PCDH15: variants seen among roughly 807,000 people sequenced by gnomAD.
PCDH15 encodes protocadherin related 15.
In PCDH15, 129 loss-of-function variants were observed where a neutral mutation model predicts 178.5. That is an observed-to-expected ratio of 0.72 (90% CI 0.63 to 0.84). PCDH15 has a LOEUF of 0.84. PCDH15 is among the 40% of genes least tolerant of loss of function. The pLI, the probability that PCDH15 is intolerant of heterozygous loss-of-function variation, is 0.00. For synonymous variants in PCDH15, 800 were observed against 732.0 expected, an observed-to-expected ratio of 1.09 and a Z score of -1.50; for missense variants, 2,230 against 2,099.9, an observed-to-expected ratio of 1.06 and a Z score of -1.21.
At chr10:53,874,241 T>G (rs1475638285) in intron 26 of PCDH15, among the ~76,000 whole-genome samples, 2 of 152,124 alleles carry the variant, frequency 1.3e-5, no homozygotes, top group Admixed American at 6.6e-5. Flanking sequence ...GTGAGTCTAT[T>G]AAGATTTCCC....
At chr10:54,476,004 C>A (rs567432094) in intron 3 of PCDH15, among the ~76,000 whole-genome samples, 1 of 138,194 alleles carries the variant, frequency 7.2e-6, no homozygotes, top group Non-Finnish European at 1.6e-5. Flanking sequence ...TACATATATG[C>A]ATATATATAT....
At chr10:53,845,547 A>T (rs1027681684) in intron 28 of PCDH15, among the ~76,000 whole-genome samples, 35 of 152,062 alleles carry the variant, frequency 2.3e-4, no homozygotes, top group Non-Finnish European at 4.3e-4. Flanking sequence ...ATTTAGCCAT[A>T]AAAAGAACAA....
intron 23 of PCDH15, among the ~76,000 whole-genome samples, chr10:53,948,830 C>T (rs532591633): frequency 6.6e-6 from 1 of 152,272 alleles, no homozygotes; most frequent in Non-Finnish European, 1.5e-5. Flanking sequence ...ACTCTCCCTA[C>T]TTCTCCAGAC....
chr10:54,820,265 TC>T (rs1953016721), intron 3 of PCDH15, among the ~76,000 whole-genome samples: 1 of 152,020 alleles, frequency 6.6e-6, no homozygotes, highest in Non-Finnish European at 1.5e-5. Flanking sequence ...AGATACTTCT[TC>T]CAGTCGCTAT....
intron 3 of PCDH15, among the ~76,000 whole-genome samples, chr10:54,453,481 A>C (rs2076612251): frequency 6.6e-6 from 1 of 152,030 alleles, no homozygotes; most frequent in South Asian, 2.1e-4. Context: ...AGGAAGGGGA[A>C]CATCACACAC....
At chr10:55,618,307 T>A (rs1843518818) in intron 2 of PCDH15, among the ~76,000 whole-genome samples, 1 of 152,090 alleles carries the variant, frequency 6.6e-6, no homozygotes, top group Non-Finnish European at 1.5e-5. Context: ...TTCATAGCAT[T>A]TAACACAAGT....
At chr10:55,126,906 CAAA>C (rs67392937) in intron 2 of PCDH15, among the ~76,000 whole-genome samples, 350 of 150,574 alleles carry the variant, frequency 2.3e-3, no homozygotes, top group Middle Eastern at 3.4e-3. Context: ...TCTGGATTTG[CAAA>C]AAAAAAAAAT....
At chr10:55,036,974 ATTTT>A (rs1210512565) in intron 2 of PCDH15, among the ~76,000 whole-genome samples, 1 of 152,116 alleles carries the variant, frequency 6.6e-6, no homozygotes, top group African/African-American at 2.4e-5. Flanking sequence ...ACCTAACATA[ATTTT>A]TTGTCTTTCA....
At chr10:54,483,765 G>C (rs569415806) in intron 3 of PCDH15, among the ~76,000 whole-genome samples, 2 of 151,674 alleles carry the variant, frequency 1.3e-5, no homozygotes, top group Non-Finnish European at 2.9e-5. Context: ...ATGTAGAGAA[G>C]AGTATATTCA....
intron 9 of PCDH15, among the ~76,000 whole-genome samples, chr10:54,220,154 G>A (rs2052619182): frequency 6.6e-6 from 1 of 152,208 alleles, no homozygotes; most frequent in Non-Finnish European, 1.5e-5. Flanking sequence ...GAAGATAATT[G>A]AATAATAGCC....
chr10:54,303,172 T>C (rs1464570986), intron 8 of PCDH15, among the ~76,000 whole-genome samples: 1 of 152,086 alleles, frequency 6.6e-6, no homozygotes, highest in Non-Finnish European at 1.5e-5. Flanking sequence ...GATGGGGCAA[T>C]AGATTACAAG....
chr10:54,550,627 G>A (rs1278192375), intron 2 of PCDH15, among the ~76,000 whole-genome samples: 1 of 152,084 alleles, frequency 6.6e-6, no homozygotes, highest in Non-Finnish European at 1.5e-5. Flanking sequence ...GCAATGCAAA[G>A]ACAAATTGCT....
chr10:54,268,651 C>T (rs1564828435), intron 8 of PCDH15, among the ~76,000 whole-genome samples: 3 of 151,800 alleles, frequency 2.0e-5, no homozygotes, highest in African/African-American at 7.3e-5. Context: ...TAAGCAGATG[C>T]TGGGACACAA....
intron 26 of PCDH15, among the ~76,000 whole-genome samples, chr10:53,878,627 AC>A (rs2080463077): frequency 1.3e-5 from 2 of 151,154 alleles, no homozygotes; most frequent in South Asian, 4.2e-4. Flanking sequence ...TGCTGCTTCT[AC>A]TTACATATTT....
intron 3 of PCDH15, among the ~76,000 whole-genome samples, chr10:54,398,435 C>G (rs1951515240): frequency 6.6e-6 from 1 of 151,970 alleles, no homozygotes; most frequent in African/African-American, 2.4e-5. Context: ...ATTTCCATCT[C>G]TAGCAATTTT....
intron 3 of PCDH15, among the ~76,000 whole-genome samples, chr10:54,475,670 T>A (rs1262495685): frequency 1.3e-5 from 2 of 151,860 alleles, no homozygotes; most frequent in Non-Finnish European, 2.9e-5. Flanking sequence ...AAAATCAGTG[T>A]CATTTATTAT....
chr10:53,936,541 C>A (rs959586229), intron 25 of PCDH15, among the ~76,000 whole-genome samples: 1 of 151,888 alleles, frequency 6.6e-6, no homozygotes. Flanking sequence ...GGAGGTTCAC[C>A]GTAATATTCT....
At chr10:54,542,788 C>G (rs1473412321) in intron 2 of PCDH15, among the ~76,000 whole-genome samples, 1 of 151,764 alleles carries the variant, frequency 6.6e-6, no homozygotes, top group African/African-American at 2.4e-5. Context: ...AGGGCGTGGT[C>G]CCTGGCTAGG....
chr10:54,284,683 T>C (rs2058925230), intron 8 of PCDH15, among the ~76,000 whole-genome samples: 1 of 152,214 alleles, frequency 6.6e-6, no homozygotes, highest in Admixed American at 6.5e-5. Flanking sequence ...GAGCTGCCCA[T>C]TGTGGTCAAA....
Sources: allele counts gnomAD v4.1 joint callset (sites outside exome capture counted in the v4.1 genomes callset), GRCh38; gene constraint gnomAD v4.1.1; transcripts MANE v1.5; gene names NCBI Gene and HGNC (gene_info 2026-07-23, HGNC 2026-07-21).